CD34: variants seen among roughly 807,000 people sequenced by gnomAD.
CD34 encodes CD34 molecule.
In CD34, 34 loss-of-function variants were observed where a neutral mutation model predicts 40.1. That is an observed-to-expected ratio of 0.85 (90% CI 0.65 to 1.13). The LOEUF (loss-of-function observed/expected upper bound fraction) is 1.13, where lower values mean the gene tolerates loss of function less well. CD34 is among the 50% of genes most tolerant of loss of function. The pLI, the probability that CD34 is intolerant of heterozygous loss-of-function variation, is 0.00. For synonymous variants in CD34, 209 were observed against 190.0 expected, an observed-to-expected ratio of 1.10 and a Z score of -0.82; for missense variants, 426 against 466.9, an observed-to-expected ratio of 0.91 and a Z score of 0.81.
rs1470025827 is a variant in CD34 at position 207,899,938 on chromosome 1, A to G, written c.145T>C (p.Phe49Leu). Residue 49 changes from phenylalanine (F) to leucine (L), a missense_variant, in exon 2 of 8, where the codon TTT (phenylalanine) becomes CTT (leucine). Coordinates refer to ENST00000310833, the MANE Select transcript of CD34 (RefSeq NM_001025109.2). ...ATPELPTQGT[F>L]SNVSTNVSYQ... ...GATACATTTGTAGAAACATTTGAAA[A>G]TGTTCCCTGGGTAGGTAACTCTGGG... 2 of 1,614,066 alleles carry G rather than the reference A, an allele frequency of 1.2e-6. No individual in the cohort carries two copies. The highest frequency in any genetic ancestry group is 1.7e-5 in the Admixed American group (1 of 60,018).
In CD34 at chr1:207,902,820, G is replaced by A. The variant is rs377304931; in HGVS notation, c.80-2817C>T. Among the ~76,000 whole-genome samples the A allele has an allele frequency of 3.9e-5, 6 of 152,264 alleles. No homozygotes were observed. The South Asian group carries it at 8.3e-4, about 21-fold the overall frequency. On this transcript the variant is annotated intron_variant, in intron 1 of 7. Coordinates refer to ENST00000310833, the MANE Select transcript of CD34 (RefSeq NM_001025109.2). ...GAGGACAGAGGTGCCTGTTCCAGAA[G>A]AGCAAAGCAACTCTGGACCCAAGCC... is the stretch of plus-strand genomic sequence containing the variant.
chr1:207,908,076 G>C (rs1204348689), intron 1 of CD34, among the ~76,000 whole-genome samples: 1 of 152,232 alleles, frequency 6.6e-6, no homozygotes, highest in Non-Finnish European at 1.5e-5. Flanking sequence ...CAGGCAATGA[G>C]ACCAACGGTA....
chr1:207,901,054 G>T (rs750800826), intron 1 of CD34, among the ~76,000 whole-genome samples: 15 of 144,832 alleles, frequency 1.0e-4, no homozygotes, highest in Non-Finnish European at 1.6e-4. Flanking sequence ...ACCCAGGCTA[G>T]AATGCAGTGG....
At chr1:207,905,889 T>C (rs912493067) in intron 1 of CD34, among the ~76,000 whole-genome samples, 1 of 152,230 alleles carries the variant, frequency 6.6e-6, no homozygotes. Flanking sequence ...TGCTGAGACA[T>C]CTCATTATGT....
intron 4 of CD34, 96 bp from the exon 5 acceptor site, chr1:207,889,717 C>A: frequency 6.2e-7 from 1 of 1,602,662 alleles, no homozygotes; most frequent in Non-Finnish European, 8.5e-7. Context: ...ACTCTTACCC[C>A]GTCCGCAAGA....
intron 1 of CD34, among the ~76,000 whole-genome samples, chr1:207,910,371 G>A (rs911292869): frequency 4.6e-5 from 7 of 152,168 alleles, no homozygotes; most frequent in Non-Finnish European, 1.0e-4. Flanking sequence ...GCTGAAGTGG[G>A]AATTCAAACT....
At chr1:207,908,758 G>T (rs1662440559) in intron 1 of CD34, among the ~76,000 whole-genome samples, 1 of 152,174 alleles carries the variant, frequency 6.6e-6, no homozygotes, top group East Asian at 1.9e-4. Flanking sequence ...CCCTGACTCT[G>T]CTCTGTGATC....
rs544334713 is a variant in CD34, at chr1:207,884,789, A to C, written c.*2949T>G. 1 of 152,272 alleles carries C rather than the reference A, an allele frequency of 6.6e-6. No individual in the cohort carries two copies. The highest frequency in any genetic ancestry group is 2.1e-4 in the South Asian group (1 of 4,806). The allele number at this position is 152,272 out of a possible 1,614,324, so 9.4% of individuals were successfully genotyped here. A position where few individuals can be genotyped will look rare whatever the true frequency, so the allele number is the denominator to read the frequency against. On this transcript the variant is annotated 3_prime_UTR_variant, in exon 8 of 8. Transcript: ENST00000310833. ...GTGGGCGCCGAAGAAGCCGAACCTCATGGCCTCCTGTGATCTTTGTCCTGG... is the reference window on the plus strand; with the variant it reads ...GTGGGCGCCGAAGAAGCCGAACCTCCTGGCCTCCTGTGATCTTTGTCCTGG...
Position 207,899,931 on chromosome 1 carries a change from T to C in CD34, c.152A>G (p.Asn51Ser). Reference sequence around the variant, plus strand: ...TTGGTAGGATACATTTGTAGAAACATTTGAAAATGTTCCCTGGGTAGGTAA... The same window carrying C: ...TTGGTAGGATACATTTGTAGAAACACTTGAAAATGTTCCCTGGGTAGGTAA... ...PELPTQGTFSNVSTNVSYQET... is the reference protein window; with the variant it reads ...PELPTQGTFSSVSTNVSYQET... The change falls in exon 2 of 8, where the codon AAT (asparagine) becomes AGT (serine). Residue 51 changes from asparagine to serine, a missense_variant. Coordinates refer to ENST00000310833, the MANE Select transcript of CD34 (RefSeq NM_001025109.2). 6.2e-7 allele frequency: 1 copy of C among 1,613,974 alleles called. No homozygotes were observed. Among genetic ancestry groups the C allele is most frequent in the Middle Eastern group, 1.6e-4 (1 of 6,062 alleles).
intron 1 of CD34, among the ~76,000 whole-genome samples, chr1:207,907,989 T>C (rs551993173): frequency 4.9e-4 from 74 of 152,312 alleles, no homozygotes; most frequent in African/African-American, 1.7e-3. Context: ...GAGGCCCAAG[T>C]ACCTGAGAGT....
intron 4 of CD34, among the ~76,000 whole-genome samples, chr1:207,896,336 C>A (rs1662149170): frequency 6.6e-6 from 1 of 152,220 alleles, no homozygotes; most frequent in Admixed American, 6.5e-5. Flanking sequence ...TTTAAAATAA[C>A]ACAATTCCCT....
At chr1:207,895,552 G>A (rs1390710167) in intron 4 of CD34, among the ~76,000 whole-genome samples, 2 of 152,186 alleles carry the variant, frequency 1.3e-5, no homozygotes, top group Admixed American at 1.3e-4. Flanking sequence ...GACCTTCTCA[G>A]CTGTGGCACG....
At position 207,893,644 on chromosome 1, in the gene CD34, C is replaced by T. The variant is rs1662080399; in HGVS notation, c.597+3849G>A. On this transcript the variant is annotated intron_variant, in intron 4 of 7. Transcript: ENST00000310833. ...GACCTTTAGTGCAAGCTGGAGGCAG[C>T]CTGCCTCAGATGAAGTCAATGTGAA... Among the ~76,000 whole-genome samples the T allele has an allele frequency of 3.3e-5, 5 of 152,158 alleles. No homozygotes were observed. In the South Asian group the frequency reaches 1.0e-3, roughly 32 times the overall value.
At chr1:207,890,875 T>C (rs748665799) in intron 4 of CD34, among the ~76,000 whole-genome samples, 1 of 152,208 alleles carries the variant, frequency 6.6e-6, no homozygotes, top group Non-Finnish European at 1.5e-5. Flanking sequence ...CAGTAAGTCC[T>C]TGGATAGACG....
chr1:207,910,599 A>G (rs984216670), intron 1 of CD34, among the ~76,000 whole-genome samples: 2 of 151,970 alleles, frequency 1.3e-5, no homozygotes, highest in African/African-American at 4.8e-5. Context: ...CTCCGTGTCT[A>G]TACTTTCTGA....
At chr1:207,888,211 TG>T (rs1367385330) in intron 7 of CD34, 1 of 1,314,770 alleles carries the variant, frequency 7.6e-7, no homozygotes, top group Non-Finnish European at 1.1e-6. Flanking sequence ...CCAAGAAGGG[TG>T]GGATGACCTC....
At chr1:207,891,787 T>C in intron 4 of CD34, among the ~76,000 whole-genome samples, 1 of 149,122 alleles carries the variant, frequency 6.7e-6, no homozygotes, top group Admixed American at 6.8e-5. Context: ...TTCTACTAAT[T>C]TTGTAGATGA....
rs1179465606 is a variant in CD34, at chr1:207,899,963, G to A, written c.120C>T (p.Thr40=). 1 of 1,613,416 alleles carries A rather than the reference G, an allele frequency of 6.2e-7. No individual in the cohort carries two copies. Among genetic ancestry groups the A allele is most frequent in the South Asian group, 1.1e-5 (1 of 91,014 alleles). The change falls in exon 2 of 8, where the codon ACC becomes ACT. Residue 40 remains threonine (T), a synonymous_variant. Coordinates refer to ENST00000310833, the MANE Select transcript of CD34 (RefSeq NM_001025109.2). The part of the protein sequence containing the change: ...FMSLDNNGTA[T]PELPTQGTFS... The stretch of plus-strand genomic sequence containing the variant: ...ATGTTCCCTGGGTAGGTAACTCTGG[G>A]GTAGCAGTACCGTTGTTGTCAAGAC...
At chr1:207,902,427 T>C (rs928531511) in intron 1 of CD34, among the ~76,000 whole-genome samples, 1 of 152,234 alleles carries the variant, frequency 6.6e-6, no homozygotes, top group Admixed American at 6.5e-5. Context: ...AATAAATTGA[T>C]GCAGAAGCCA....
Sources: gnomAD v4.1 joint callset for allele counts (sites outside exome capture counted in the v4.1 genomes callset) on GRCh38, gnomAD v4.1.1 for gene constraint, MANE v1.5 for transcripts, NCBI Gene and HGNC (gene_info 2026-07-23, HGNC 2026-07-21) for gene names.